The following SLCO1C1 variants were observed in gnomAD, a reference collection of about 807,000 sequenced individuals.
SLCO1C1 encodes solute carrier organic anion transporter family member 1C1.
SLCO1C1 carries 70 observed loss-of-function variants against 76.4 expected under a neutral mutation model. The observed-to-expected ratio is 0.92, with a 90% CI of 0.76 to 1.12. SLCO1C1 has a LOEUF of 1.12. SLCO1C1 is among the 50% of genes most tolerant of loss of function. The probability of loss-of-function intolerance (pLI) is 0.00; values close to 1 mark genes in which losing one functional copy is unlikely to be tolerated. For missense variants in SLCO1C1, 912 were observed against 823.8 expected (o/e 1.11, Z -1.31); for synonymous variants, 306 against 286.1 (o/e 1.07, Z -0.70).
At chr12:20,747,909 T>C (rs1318152479) in intron 13 of SLCO1C1, among the ~76,000 whole-genome samples, 3 of 152,212 alleles carry the variant, frequency 2.0e-5, no homozygotes, top group African/African-American at 4.8e-5. Flanking sequence ...ACACAGCTCA[T>C]CTTAGGACAT....
chr12:20,717,001 A>G (rs1269467472), intron 6 of SLCO1C1, 131 bp from the exon 7 acceptor site: 5 of 722,894 alleles, frequency 6.9e-6, no homozygotes, highest in African/African-American at 1.9e-5. Flanking sequence ...AAAGTTAACT[A>G]AACACATGCA....
chr12:20,742,931 C>G (rs1948887859), intron 12 of SLCO1C1, among the ~76,000 whole-genome samples: 1 of 151,922 alleles, frequency 6.6e-6, no homozygotes, highest in South Asian at 2.1e-4. Context: ...AGACAAAAAG[C>G]CATAAAAATT....
At chr12:20,695,875 T>C (rs1364497403) in intron 1 of SLCO1C1, 68 bp downstream of exon 1, 1 of 152,110 alleles carries the variant, frequency 6.6e-6, no homozygotes, top group Admixed American at 6.6e-5. Context: ...AGATTAACCC[T>C]TAATTTCTGT....
intron 4 of SLCO1C1, among the ~76,000 whole-genome samples, chr12:20,710,871 G>T (rs1366280244): frequency 6.6e-6 from 1 of 152,026 alleles, no homozygotes; most frequent in Admixed American, 6.6e-5. Context: ...CACCTGGGGG[G>T]AGGTGATTTA....
At chr12:20,747,671 T>C (rs1949111039) in intron 13 of SLCO1C1, among the ~76,000 whole-genome samples, 2 of 152,206 alleles carry the variant, frequency 1.3e-5, no homozygotes, top group Admixed American at 1.3e-4. Context: ...ACCTGGATTT[T>C]TTAAGTGGTA....
chr12:20,752,287 A>C lies in SLCO1C1; in HGVS notation c.1917-19A>C. 6 of 1,461,896 alleles carry C rather than the reference A, an allele frequency of 4.1e-6. No homozygotes were observed. The highest frequency in any genetic ancestry group is 5.5e-6 in the Non-Finnish European group (6 of 1,083,266). 90.6% of individuals were successfully genotyped at this position (1,461,896 alleles called of 1,614,324 possible). On this transcript the variant is annotated intron_variant, in intron 14 of 14. Coordinates refer to ENST00000266509, the MANE Select transcript of SLCO1C1 (RefSeq NM_017435.5). ...TTGGTTGTTGCATTAATTATAACAG[A>C]GATTCTCTCTTCTTCTAGACATATA...
chr12:20,704,098 T>C (rs1946663756), intron 3 of SLCO1C1, among the ~76,000 whole-genome samples: 2 of 151,566 alleles, frequency 1.3e-5, no homozygotes. Flanking sequence ...CTAATGATGG[T>C]AGATATGGAA....
At chr12:20,744,004 C>A (rs1047419388) in intron 13 of SLCO1C1, among the ~76,000 whole-genome samples, 1 of 151,810 alleles carries the variant, frequency 6.6e-6, no homozygotes, top group Non-Finnish European at 1.5e-5. Flanking sequence ...TATTTCACTG[C>A]CATTTGTCAG....
chr12:20,740,790 TATA>T (rs1948775557), intron 12 of SLCO1C1, among the ~76,000 whole-genome samples: 1 of 107,482 alleles, frequency 9.3e-6, no homozygotes, highest in African/African-American at 3.8e-5. Flanking sequence ...ATTTTATTTA[TATA>T]TATATATATA....
intron 10 of SLCO1C1, among the ~76,000 whole-genome samples, chr12:20,735,117 T>C (rs1592305313): frequency 6.6e-6 from 1 of 152,222 alleles, no homozygotes; most frequent in African/African-American, 2.4e-5. Context: ...AAACTTTCAA[T>C]ACTATAAAGT....
At chr12:20,736,175 G>A (rs1406586515) in intron 10 of SLCO1C1, among the ~76,000 whole-genome samples, 3 of 151,566 alleles carry the variant, frequency 2.0e-5, no homozygotes, top group Non-Finnish European at 4.4e-5. Flanking sequence ...AAAAGCAGAA[G>A]GATTAGGCCA....
intron 12 of SLCO1C1, among the ~76,000 whole-genome samples, chr12:20,741,605 C>T (rs1268875236): frequency 6.6e-6 from 1 of 152,092 alleles, no homozygotes; most frequent in African/African-American, 2.4e-5. Flanking sequence ...CATCATTCAA[C>T]TTCCCTACAG....
At chr12:20,713,777 T>A (rs140181459) in intron 5 of SLCO1C1, among the ~76,000 whole-genome samples, 244 of 152,306 alleles carry the variant, frequency 1.6e-3, no homozygotes, top group African/African-American at 5.5e-3. Flanking sequence ...TATTGGGTAT[T>A]TGAAATATAG....
At chr12:20,721,471 A>T (rs984816598) in intron 7 of SLCO1C1, among the ~76,000 whole-genome samples, 3 of 152,056 alleles carry the variant, frequency 2.0e-5, no homozygotes, top group Non-Finnish European at 4.4e-5. Context: ...CTTTTTTTTT[A>T]AATGAAGGTA....
At chr12:20,749,531 C>T (rs1217607956) in intron 13 of SLCO1C1, among the ~76,000 whole-genome samples, 5 of 152,180 alleles carry the variant, frequency 3.3e-5, no homozygotes, top group African/African-American at 1.2e-4. Context: ...AACAAAATCC[C>T]AAAGTCTACA....
At chr12:20,718,684 C>T (rs902997558) in intron 7 of SLCO1C1, among the ~76,000 whole-genome samples, 1 of 152,080 alleles carries the variant, frequency 6.6e-6, no homozygotes, top group Non-Finnish European at 1.5e-5. Context: ...ATATGTAAAT[C>T]AAACGAAAGT....
rs76663762 is a variant in SLCO1C1 at position 20,740,075 on chromosome 12, C to A, written c.1549-109C>A. 3.0e-4 allele frequency: 316 copies of A among 1,062,394 alleles called. 2 individuals are homozygous for A. The East Asian group carries it at 8.1e-3, about 27-fold the overall frequency. The allele number at this position is 1,062,394 out of a possible 1,614,324, so 65.8% of individuals were successfully genotyped here. On this transcript the variant is annotated intron_variant, in intron 11 of 14. Transcript: ENST00000266509. ...AATACAAAAAAATAAAAGAATATTT[C>A]CTCATTGTTTACATAATGCATGGCT...
intron 4 of SLCO1C1, 61 bp from the exon 5 acceptor site, chr12:20,711,325 C>A: frequency 6.4e-7 from 1 of 1,564,190 alleles, no homozygotes; most frequent in Non-Finnish European, 8.7e-7. Flanking sequence ...GTAGCATACA[C>A]ATAATATTCT....
At chr12:20,741,187 A>C (rs1479318160) in intron 12 of SLCO1C1, among the ~76,000 whole-genome samples, 2 of 152,044 alleles carry the variant, frequency 1.3e-5, no homozygotes, top group Non-Finnish European at 2.9e-5. Flanking sequence ...CCCATGAGCC[A>C]ATCACCTCCC....
Sources: gnomAD v4.1 joint callset for allele counts (sites outside exome capture counted in the v4.1 genomes callset) on GRCh38, gnomAD v4.1.1 for gene constraint, MANE v1.5 for transcripts, NCBI Gene and HGNC (gene_info 2026-07-23, HGNC 2026-07-21) for gene names.